Variants in ACACA observed in about 807,000 individuals in gnomAD.
ACACA encodes the protein acetyl-CoA carboxylase 1.
ACACA carries 103 observed loss-of-function variants against 296.1 expected under a neutral mutation model. That is an observed-to-expected ratio of 0.35 (90% CI 0.30 to 0.41). The LOEUF (loss-of-function observed/expected upper bound fraction) is 0.41, where lower values mean the gene tolerates loss of function less well. Among genes scored for constraint, ACACA ranks in the 10% least tolerant of loss-of-function variants. The pLI is 1.00. For missense variants in ACACA, 1,554 were observed against 2,989.7 expected, an observed-to-expected ratio of 0.52 and a Z score of 11.20; for synonymous variants, 953 against 1,038.6, an observed-to-expected ratio of 0.92 and a Z score of 1.58.
intron 52 of ACACA, among the ~76,000 whole-genome samples, chr17:37,099,995 A>G (rs921696463): frequency 1.4e-4 from 21 of 152,296 alleles, no homozygotes; most frequent in African/African-American, 4.8e-4. Context: ...ATAAATAATG[A>G]TATTTATTAA....
chr17:37,405,028 A>C (rs1000163324), intron 1 of ACACA, among the ~76,000 whole-genome samples: 3 of 152,160 alleles, frequency 2.0e-5, no homozygotes, highest in Non-Finnish European at 1.5e-5. Context: ...CTCCAGCCAC[A>C]CTGGTCTTGC....
intron 25 of ACACA, among the ~76,000 whole-genome samples, chr17:37,229,259 A>T (rs1002539307): frequency 2.6e-5 from 4 of 152,176 alleles, no homozygotes; most frequent in African/African-American, 7.2e-5. Flanking sequence ...TAAAATTTTT[A>T]AAAATGGAGT....
intron 40 of ACACA, 110 bp from the exon 41 acceptor site, chr17:37,179,516 C>T: frequency 1.6e-6 from 2 of 1,229,432 alleles, no homozygotes; most frequent in Non-Finnish European, 2.3e-6. Context: ...AAGTGTTCTG[C>T]AGAGTGTAAA....
intron 23 of ACACA, among the ~76,000 whole-genome samples, chr17:37,241,430 C>A (rs1038904175): frequency 7.2e-5 from 11 of 152,146 alleles, no homozygotes; most frequent in African/African-American, 2.7e-4. Context: ...ACAGGCTGGA[C>A]GCAGTGGCTC....
intron 5 of ACACA, among the ~76,000 whole-genome samples, chr17:37,280,242 T>C (rs925992864): frequency 2.0e-5 from 3 of 152,218 alleles, no homozygotes; most frequent in African/African-American, 4.8e-5. Context: ...CAGATCTCAC[T>C]CTGACACCCA....
intron 2 of ACACA, among the ~76,000 whole-genome samples, chr17:37,332,155 C>T (rs888689127): frequency 1.3e-5 from 2 of 151,212 alleles, no homozygotes; most frequent in Non-Finnish European, 2.9e-5. Flanking sequence ...CATCATGACA[C>T]GTGTTTACCT....
chr17:37,154,829 T>C (rs1027298494), intron 43 of ACACA, among the ~76,000 whole-genome samples: 1 of 152,176 alleles, frequency 6.6e-6, no homozygotes, highest in Admixed American at 6.5e-5. Flanking sequence ...TACTTGCAGA[T>C]AGATTATATA....
At chr17:37,366,171 T>C (rs1403584585) in intron 1 of ACACA, among the ~76,000 whole-genome samples, 1 of 152,128 alleles carries the variant, frequency 6.6e-6, no homozygotes, top group Non-Finnish European at 1.5e-5. Context: ...GTAAGTTGAT[T>C]TCCTGCCCCA....
intron 29 of ACACA, among the ~76,000 whole-genome samples, chr17:37,211,838 C>A (rs2078762098): frequency 1.3e-5 from 2 of 152,184 alleles, no homozygotes; most frequent in Non-Finnish European, 2.9e-5. Context: ...ACAGCAAGAG[C>A]AACCTCTGAG....
intron 1 of ACACA, among the ~76,000 whole-genome samples, chr17:37,370,521 G>A (rs9909611): frequency 0.012 from 1,782 of 151,272 alleles, 53 homozygotes; most frequent in African/African-American, 0.04. Flanking sequence ...GCCGGGCATG[G>A]TGGTGTGTGC....
intron 32 of ACACA, 118 bp from the exon 33 acceptor site, chr17:37,205,990 G>A (rs1362816987): frequency 2.2e-6 from 2 of 890,414 alleles, no homozygotes; most frequent in Non-Finnish European, 3.6e-6. Context: ...GGATATTTTG[G>A]TTTGCCCAGC....
At chr17:37,125,033 G>C (rs985740609) in intron 48 of ACACA, among the ~76,000 whole-genome samples, 1 of 152,206 alleles carries the variant, frequency 6.6e-6, no homozygotes, top group Non-Finnish European at 1.5e-5. Context: ...ATTAAGATCA[G>C]TCGTGGCAGG....
intron 3 of ACACA, among the ~76,000 whole-genome samples, chr17:37,305,888 A>C (rs1457612765): frequency 1.4e-5 from 2 of 146,422 alleles, no homozygotes; most frequent in Non-Finnish European, 3.0e-5. Context: ...ACGGAATTTT[A>C]GCAGTTTTTT....
At chr17:37,147,404 T>C (rs1219641624) in intron 45 of ACACA, among the ~76,000 whole-genome samples, 1 of 151,922 alleles carries the variant, frequency 6.6e-6, no homozygotes, top group Non-Finnish European at 1.5e-5. Flanking sequence ...TCAGGGTGAC[T>C]TGCACACACC....
In ACACA at chr17:37,225,113, G is replaced by A. The variant is rs368260629; in HGVS notation, c.3361-8C>T. The A allele has an allele frequency of 8.6e-5, 133 of 1,539,788 alleles. No homozygotes were observed. Among genetic ancestry groups the A allele is most frequent in the Non-Finnish European group, 1.1e-4 (123 of 1,112,778 alleles). On this transcript the variant is annotated splice_polypyrimidine_tract_variant and splice_region_variant and intron_variant, in intron 26 of 55. Transcript: ENST00000616317. ...ATGGGAGGCAATAAGAACCTAGAGT[G>A]AGAACAAAATAGGAGGCACACATTC...
intron 36 of ACACA, among the ~76,000 whole-genome samples, chr17:37,192,979 G>T (rs2145123048): frequency 6.6e-6 from 1 of 152,194 alleles, no homozygotes; most frequent in South Asian, 2.1e-4. Context: ...AAATATATAA[G>T]CCGGTAACAG....
intron 16 of ACACA, among the ~76,000 whole-genome samples, chr17:37,250,701 T>C (rs1331526842): frequency 6.6e-6 from 1 of 151,962 alleles, no homozygotes; most frequent in Non-Finnish European, 1.5e-5. Context: ...TATCTGCTCC[T>C]AGCAACTGAA....
chr17:37,397,798 A>C (rs1278648718), intron 1 of ACACA, among the ~76,000 whole-genome samples: 3 of 152,052 alleles, frequency 2.0e-5, no homozygotes, highest in African/African-American at 7.3e-5. Context: ...ACCCTCCTTC[A>C]CTTGGTGCAG....
intron 30 of ACACA, among the ~76,000 whole-genome samples, chr17:37,209,349 CA>C (rs2078650623): frequency 1.3e-5 from 2 of 152,144 alleles, no homozygotes; most frequent in African/African-American, 4.8e-5. Flanking sequence ...TGGCATTAGA[CA>C]GGAAAGATAA....
Sources: allele counts gnomAD v4.1 joint callset (sites outside exome capture counted in the v4.1 genomes callset), GRCh38; gene constraint gnomAD v4.1.1; transcripts MANE v1.5; gene names NCBI Gene and HGNC (gene_info 2026-07-23, HGNC 2026-07-21).